The following KSR2 variants were observed in gnomAD, a reference collection of about 807,000 sequenced individuals.
KSR2 encodes kinase suppressor of ras 2.
A neutral mutation model predicts 107.8 loss-of-function variants in KSR2; 25 were observed. The ratio of observed to expected loss-of-function variants is 0.23; its 90% confidence interval spans 0.17 to 0.32. The LOEUF is 0.32. Among genes scored for constraint, KSR2 ranks in the 10% least tolerant of loss-of-function variants. The pLI is 1.00. For synonymous variants in KSR2, 480 were observed against 507.0 expected (o/e 0.95, Z 0.71); for missense variants, 887 against 1,268.9 (o/e 0.70, Z 4.57).
chr12:117,625,953 T>G (rs899328810), intron 5 of KSR2, among the ~76,000 whole-genome samples: 18 of 152,230 alleles, frequency 1.2e-4, no homozygotes, highest in Non-Finnish European at 5.9e-5. Context: ...GTCCAGGAAT[T>G]TATCCATTTC....
At chr12:117,855,194 C>T (rs750339783) in intron 3 of KSR2, among the ~76,000 whole-genome samples, 1 of 152,218 alleles carries the variant, frequency 6.6e-6, no homozygotes, top group African/African-American at 2.4e-5. Flanking sequence ...ACCAGATACC[C>T]TAAACCTCAG....
At chr12:117,716,969 C>T (rs1361252179) in intron 4 of KSR2, among the ~76,000 whole-genome samples, 1 of 152,216 alleles carries the variant, frequency 6.6e-6, no homozygotes, top group Non-Finnish European at 1.5e-5. Flanking sequence ...CTCCAGCTTT[C>T]CCAACTTCTG....
Position 117,463,684 on chromosome 12 carries a change from GC to G in KSR2, c.*3514del, listed in dbSNP as rs1245979573. The G allele has an allele frequency of 6.6e-6, 1 of 152,258 alleles. No individual in the cohort carries two copies. The allele number at this position is 152,258 out of a possible 1,614,324, so 9.4% of individuals were successfully genotyped here. On this transcript the variant is annotated 3_prime_UTR_variant, in exon 20 of 20. Coordinates refer to ENST00000339824, the MANE Select transcript of KSR2 (RefSeq NM_173598.6). Reference sequence around the variant, plus strand: ...ATGGCCTATGGGGCATAGCCTGACAGCCCTGGGTTTAGATTTCTCAAGATAA... The same window carrying G: ...ATGGCCTATGGGGCATAGCCTGACAGCCTGGGTTTAGATTTCTCAAGATAA...
intron 4 of KSR2, among the ~76,000 whole-genome samples, chr12:117,716,249 CAATA>C (rs1197961212): frequency 6.6e-6 from 1 of 152,196 alleles, no homozygotes; most frequent in Admixed American, 6.5e-5. Flanking sequence ...AGTATATGCT[CAATA>C]AATAGTTATT....
intron 10 of KSR2, among the ~76,000 whole-genome samples, chr12:117,535,161 T>C (rs1875950136): frequency 6.6e-6 from 1 of 152,184 alleles, no homozygotes; most frequent in African/African-American, 2.4e-5. Flanking sequence ...TAATAAATAC[T>C]GTTAACAAAA....
chr12:117,882,742 CATCCATCCATCCATCCAACA>C (rs1256836450), intron 1 of KSR2, among the ~76,000 whole-genome samples: 2 of 151,882 alleles, frequency 1.3e-5, no homozygotes, highest in Non-Finnish European at 2.9e-5. Context: ...CCCAACCACC[CATCCATCCATCCATCCAACA>C]ATCCATCCAT....
chr12:117,594,720 G>A (rs1192108940), intron 5 of KSR2, among the ~76,000 whole-genome samples: 1 of 152,162 alleles, frequency 6.6e-6, no homozygotes, highest in East Asian at 1.9e-4. Context: ...CGCAACAAGA[G>A]TTAAACCAGC....
In KSR2 at chr12:117,761,251, G is replaced by A; in HGVS notation, c.746C>T (p.Pro249Leu). 1 of 1,538,120 alleles carries A rather than the reference G, an allele frequency of 6.5e-7. No individual in the cohort carries two copies. Among genetic ancestry groups the A allele is most frequent in the East Asian group, 2.3e-5 (1 of 44,132 alleles). The change falls in exon 4 of 20, where the codon CCC becomes CTC. Residue 249 changes from proline to leucine, a missense_variant. Around this residue, in one of 8 missense-constraint regions of KSR2, gnomAD observed 399 missense variants for 479.5 expected, o/e 0.83. Transcript: ENST00000339824. ...CGCGTGCCGCTGCCGGGGCGATGGG[G>A]GCAGGGAACGGTGGCCCGACTCCAG... ...PPLESGHRSL[P>L]PSPRQRHAVR...
At chr12:117,740,905 G>A (rs752064834) in intron 4 of KSR2, among the ~76,000 whole-genome samples, 3 of 152,080 alleles carry the variant, frequency 2.0e-5, no homozygotes, top group Admixed American at 6.6e-5. Context: ...ATAGGCCACC[G>A]TGTCTGAGGC....
intron 5 of KSR2, among the ~76,000 whole-genome samples, chr12:117,616,858 C>G (rs1039753872): frequency 6.6e-6 from 1 of 152,208 alleles, no homozygotes; most frequent in Non-Finnish European, 1.5e-5. Context: ...AAGCCAGGCT[C>G]CATGATTCAT....
chr12:117,485,529 G>C, intron 15 of KSR2, 66 bp downstream of exon 15: 3 of 1,239,312 alleles, frequency 2.4e-6, no homozygotes, highest in South Asian at 2.4e-5. Context: ...CTGGGGTAGG[G>C]GGGCTTCCCT....
chr12:117,499,267 T>C (rs535268448), intron 14 of KSR2, among the ~76,000 whole-genome samples: 2 of 152,250 alleles, frequency 1.3e-5, no homozygotes, highest in Admixed American at 6.5e-5. Context: ...AGGGAGAGGA[T>C]AGCCCCCACG....
chr12:117,468,576 G>A (rs866943327), intron 19 of KSR2, among the ~76,000 whole-genome samples: 3 of 152,176 alleles, frequency 2.0e-5, no homozygotes, highest in Non-Finnish European at 2.9e-5. Context: ...TCTTCAGGAC[G>A]CCGCCTTGGG....
intron 5 of KSR2, among the ~76,000 whole-genome samples, chr12:117,596,107 T>C (rs10128771): frequency 0.2 from 28,615 of 144,046 alleles, 3,922 homozygotes; most frequent in African/African-American, 0.4. Flanking sequence ...AAGACATATC[T>C]GAGACTGGGT....
chr12:117,846,058 AACAAAC>A, intron 3 of KSR2, among the ~76,000 whole-genome samples: 1 of 151,500 alleles, frequency 6.6e-6, no homozygotes, highest in Non-Finnish European at 1.5e-5. Context: ...TGCCCTTCCT[AACAAAC>A]AGCCTGCCCT....
At chr12:117,629,414 T>G (rs759001560) in intron 5 of KSR2, among the ~76,000 whole-genome samples, 2 of 152,208 alleles carry the variant, frequency 1.3e-5, no homozygotes, top group Non-Finnish European at 2.9e-5. Context: ...AAAGGTGTTT[T>G]TTGTGGTCTA....
At chr12:117,965,882 G>A (rs151119210) in intron 1 of KSR2, among the ~76,000 whole-genome samples, 114 of 152,292 alleles carry the variant, frequency 7.5e-4, no homozygotes, top group African/African-American at 2.6e-3. Context: ...AAATGTTAGC[G>A]TTGGCTGGAC....
At chr12:117,555,079 C>T (rs543048660) in intron 9 of KSR2, 90 bp downstream of exon 9, 79 of 1,514,916 alleles carry the variant, frequency 5.2e-5, no homozygotes, top group Non-Finnish European at 6.6e-5. Context: ...GAGGGAGCGC[C>T]ATACTCCCAG....
At chr12:117,734,542 G>A (rs993529298) in intron 4 of KSR2, among the ~76,000 whole-genome samples, 1 of 152,078 alleles carries the variant, frequency 6.6e-6, no homozygotes, top group African/African-American at 2.4e-5. Context: ...AAATTCTCTG[G>A]TTGCTTCCAA....
Sources: gnomAD v4.1 joint callset for allele counts (sites outside exome capture counted in the v4.1 genomes callset) on GRCh38, gnomAD v4.1.1 for gene constraint, gnomAD v4.1.1 regional missense constraint, MANE v1.5 for transcripts, NCBI Gene and HGNC (gene_info 2026-07-23, HGNC 2026-07-21) for gene names.